Variants in ARID1A observed in about 807,000 individuals in gnomAD.
The protein encoded by ARID1A is AT-rich interactive domain-containing protein 1A.
ARID1A carries 20 observed loss-of-function variants against 212.6 expected under a neutral mutation model. The ratio of observed to expected loss-of-function variants is 0.09; its 90% CI spans 0.07 to 0.14. The LOEUF is 0.14. Among genes scored for constraint, ARID1A ranks in the 10% least tolerant of loss-of-function variants. The probability of loss-of-function intolerance (pLI) is 1.00; values close to 1 mark genes in which losing one functional copy is unlikely to be tolerated. For synonymous variants in ARID1A, 1,376 were observed against 1,222.1 expected, an observed-to-expected ratio of 1.13 and a Z score of -2.63; for missense variants, 2,587 against 3,059.0, an observed-to-expected ratio of 0.85 and a Z score of 3.64.
At chr1:26,737,317 G>A (rs1208584840) in intron 4 of ARID1A, among the ~76,000 whole-genome samples, 1 of 151,992 alleles carries the variant, frequency 6.6e-6, no homozygotes, top group African/African-American at 2.4e-5. Flanking sequence ...GGGGTTTCAC[G>A]ATGTTGCCCA....
intron 1 of ARID1A, among the ~76,000 whole-genome samples, chr1:26,712,388 T>G (rs1407178310): frequency 1.3e-5 from 2 of 152,086 alleles, no homozygotes; most frequent in Non-Finnish European, 2.9e-5. Context: ...TTTTAGTAAA[T>G]AAACCCTGTA....
chr1:26,779,617 A>T lies in ARID1A; in HGVS notation c.5719A>T (p.Ile1907Phe), dbSNP rs139230162. ...ACCTGATGGACCTCCAGAAAAACGG[A>T]TCACAGCCACTATGGATGACATGTT... ...PPPDGPPEKR[I>F]TATMDDMLST... Residue 1907 changes from isoleucine (I) to phenylalanine (F), a missense_variant, in exon 20 of 20, where the codon ATC becomes TTC. By Grantham distance (21) the Ile-to-Phe change is conservative. Around this residue, in one of 11 missense-constraint regions of ARID1A, gnomAD observed 890 missense variants for 1,098.2 expected, o/e 0.81. Coordinates refer to ENST00000324856, the MANE Select transcript of ARID1A (RefSeq NM_006015.6). The T allele has an allele frequency of 7.7e-5, 125 of 1,613,982 alleles. No individual in the cohort carries two copies. The highest frequency in any genetic ancestry group is 1.0e-4 in the Non-Finnish European group (121 of 1,180,020).
chr1:26,760,637 C>T (rs912010418), intron 4 of ARID1A, among the ~76,000 whole-genome samples: 3 of 151,646 alleles, frequency 2.0e-5, no homozygotes, highest in African/African-American at 7.3e-5. Flanking sequence ...TGCGATGAGC[C>T]GAGACGTGCC....
intron 1 of ARID1A, among the ~76,000 whole-genome samples, chr1:26,706,119 G>A (rs1156500957): frequency 6.6e-6 from 1 of 152,180 alleles, no homozygotes; most frequent in Non-Finnish European, 1.5e-5. Flanking sequence ...TGCTTGAATT[G>A]CTACCCATAT....
chr1:26,737,299 G>C (rs1381706980), intron 4 of ARID1A, among the ~76,000 whole-genome samples: 1 of 152,048 alleles, frequency 6.6e-6, no homozygotes, highest in East Asian at 1.9e-4. Flanking sequence ...GGACTTTTTA[G>C]TAGAGATGGG....
Position 26,779,191 on chromosome 1 carries a change from G to A in ARID1A, c.5293G>A (p.Glu1765Lys), listed in dbSNP as rs1164908440. The change falls in exon 20 of 20, where the codon GAA becomes AAA. Residue 1765 changes from glutamate (E) to lysine (K), a missense_variant. By Grantham distance (56) the Glu-to-Lys change is moderately conservative. Coordinates refer to ENST00000324856, the MANE Select transcript of ARID1A (RefSeq NM_006015.6). ...AGCTCCCATGGAGGGTGGGGAAGAA[G>A]AAGAAGAACTTCTAGGTCCTAAACT... ...SPAPMEGGEEEEELLGPKLEE... is the reference protein window; with the variant it reads ...SPAPMEGGEEKEELLGPKLEE... The A allele has an allele frequency of 6.2e-6, 10 of 1,610,180 alleles. No individual in the cohort carries two copies. The highest frequency in any genetic ancestry group is 1.3e-5 in the African/African-American group (1 of 74,758).
In ARID1A at chr1:26,780,867, T is replaced by C; in HGVS notation, c.*111T>C. ...CCACCTCAGAATCCAGTTTACCCTGTGCTGTCCAGCTTCTCCCTTGGGAAA... is the reference window on the plus strand; with the variant it reads ...CCACCTCAGAATCCAGTTTACCCTGCGCTGTCCAGCTTCTCCCTTGGGAAA... On this transcript the variant is annotated 3_prime_UTR_variant, in exon 20 of 20. Transcript: ENST00000324856. The surrounding 1 kb of genome is among the most constrained non-coding windows in gnomAD (Gnocchi z 7.2). 8 of 1,419,190 alleles carry C rather than the reference T, an allele frequency of 5.6e-6. No homozygotes were observed. The highest frequency in any genetic ancestry group is 7.5e-6 in the Non-Finnish European group (8 of 1,062,020). The allele number at this position is 1,419,190 out of a possible 1,614,324, so 87.9% of individuals were successfully genotyped here.
Position 26,771,511 on chromosome 1 carries a change from T to A in ARID1A, c.3406+185T>A. 1.6e-6 allele frequency: 1 copy of A among 632,670 alleles called. No homozygotes were observed. The highest frequency in any genetic ancestry group is 2.7e-6 in the Non-Finnish European group (1 of 367,026). The allele number at this position is 632,670 out of a possible 1,614,324, so 39.2% of individuals were successfully genotyped here. A position where few individuals can be genotyped will look rare whatever the true frequency, so the allele number is the denominator to read the frequency against. On this transcript the variant is annotated intron_variant, in intron 12 of 19. Coordinates refer to ENST00000324856, the MANE Select transcript of ARID1A (RefSeq NM_006015.6). This position sits in a 1 kb window ranked among gnomAD's most constrained non-coding sequence, Gnocchi z 5.4. ...GGGCAGTGGAAACTCCCTTGGGAGG[T>A]ACTCTACGGCAGCTCTTAAGTTTTA...
rs1217038062 is a variant in ARID1A at position 26,775,122 on chromosome 1, C to T, written c.4895C>T (p.Pro1632Leu). The change falls in exon 18 of 20, where the codon CCC (proline) becomes CTC (leucine). Residue 1632 changes from proline (P) to leucine (L), a missense_variant. Physicochemically the swap from Pro to Leu is moderately conservative, Grantham distance 98. Coordinates refer to ENST00000324856, the MANE Select transcript of ARID1A (RefSeq NM_006015.6). Reference sequence around the variant, plus strand: ...CACATAGCACCTGCCCCTGTGCAGCCCCCCATGATTCGGCGGGATATCACC... The same window carrying T: ...CACATAGCACCTGCCCCTGTGCAGCTCCCCATGATTCGGCGGGATATCACC... ...ASHIAPAPVQ[P>L]PMIRRDITFP... The T allele has an allele frequency of 1.9e-6, 3 of 1,614,082 alleles. No individual in the cohort carries two copies. Among genetic ancestry groups the T allele is most frequent in the Non-Finnish European group, 2.5e-6 (3 of 1,180,016 alleles).
At chr1:26,736,902 CAAAAAAA>C (rs35005598) in intron 4 of ARID1A, among the ~76,000 whole-genome samples, 8 of 49,888 alleles carry the variant, frequency 1.6e-4, no homozygotes, top group Non-Finnish European at 3.6e-4. Flanking sequence ...AATTCTGTCT[CAAAAAAA>C]AAAAAAAAAA....
chr1:26,732,584 T>G, intron 3 of ARID1A, 92 bp from the exon 4 acceptor site: 2 of 1,029,244 alleles, frequency 1.9e-6, no homozygotes, highest in Admixed American at 1.9e-5. Context: ...CTCACACTCA[T>G]GAGAGACAGT....
chr1:26,763,853 A>T (rs914198729), intron 8 of ARID1A, among the ~76,000 whole-genome samples: 2 of 152,186 alleles, frequency 1.3e-5, no homozygotes, highest in African/African-American at 4.8e-5. Context: ...CAGTGGCATG[A>T]CCACAGTTCA....
chr1:26,696,291 C>A lies in ARID1A; in HGVS notation c.-113C>A. 8.6e-7 allele frequency: 1 copy of A among 1,167,524 alleles called. No homozygotes were observed. 72.3% of individuals were successfully genotyped at this position (1,167,524 alleles called of 1,614,324 possible). ...CGCAGCAGCGGAGCCCCGCGAGGCC[C>A]GCCCGGGCGGGTGGGGAGGGCAGCC... On this transcript the variant is annotated 5_prime_UTR_variant, in exon 1 of 20. Coordinates refer to ENST00000324856, the MANE Select transcript of ARID1A (RefSeq NM_006015.6).
intron 1 of ARID1A, among the ~76,000 whole-genome samples, chr1:26,707,052 G>A (rs540236559): frequency 3.1e-4 from 47 of 151,034 alleles, no homozygotes; most frequent in Middle Eastern, 3.4e-3. Flanking sequence ...TTTTTTAGAC[G>A]GAGTCTTGCT....
intron 4 of ARID1A, among the ~76,000 whole-genome samples, chr1:26,736,231 A>G (rs1444790012): frequency 6.7e-6 from 1 of 150,248 alleles, no homozygotes; most frequent in Non-Finnish European, 1.5e-5. Flanking sequence ...GGCAGAGGCA[A>G]GAGAATCACT....
At chr1:26,729,559 T>C (rs1390645547) in intron 1 of ARID1A, 92 bp from the exon 2 acceptor site, 1 of 1,432,802 alleles carries the variant, frequency 7.0e-7, no homozygotes, top group East Asian at 2.3e-5. Context: ...CTTTATAGCA[T>C]ACAGACTAAA....
chr1:26,711,213 A>G (rs1423859852), intron 1 of ARID1A, among the ~76,000 whole-genome samples: 2 of 151,756 alleles, frequency 1.3e-5, no homozygotes, highest in South Asian at 2.1e-4. Flanking sequence ...GGTTCAAGCA[A>G]TTTTCCTGCC....
chr1:26,705,439 CTTTTTTTTTT>C (rs34588758), intron 1 of ARID1A, among the ~76,000 whole-genome samples: 1 of 143,888 alleles, frequency 6.9e-6, no homozygotes, highest in African/African-American at 2.6e-5. Context: ...CACGCCCAGC[CTTTTTTTTTT>C]TTCCCCCCCC....
At chr1:26,724,140 C>T (rs557709946) in intron 1 of ARID1A, among the ~76,000 whole-genome samples, 2 of 152,192 alleles carry the variant, frequency 1.3e-5, no homozygotes, top group Non-Finnish European at 2.9e-5. Context: ...AAATTGAAAG[C>T]ACAAGGAGTA....
Sources: gnomAD v4.1 joint callset for allele counts (sites outside exome capture counted in the v4.1 genomes callset) on GRCh38, gnomAD v4.1.1 for gene constraint, gnomAD v4.1.1 regional missense constraint, Gnocchi (gnomAD v3.1) non-coding constraint, MANE v1.5 for transcripts, NCBI Gene and HGNC (gene_info 2026-07-23, HGNC 2026-07-21) for gene names.